Variants in CEP70 observed in about 807,000 individuals in gnomAD.
CEP70 encodes the protein centrosomal protein of 70 kDa.
CEP70 carries 70 observed loss-of-function variants against 90.9 expected under a neutral mutation model. The observed-to-expected ratio is 0.77, with a 90% CI of 0.64 to 0.94. The LOEUF is 0.94. Among genes scored for constraint, CEP70 ranks in the 40% least tolerant of loss-of-function variants. The probability of loss-of-function intolerance (pLI) is 0.00; values close to 1 mark genes in which losing one functional copy is unlikely to be tolerated. For synonymous variants in CEP70, 220 were observed against 228.3 expected (o/e 0.96, Z 0.33); for missense variants, 648 against 669.0 (o/e 0.97, Z 0.35).
intron 12 of CEP70, 132 bp downstream of exon 12, chr3:138,508,307 C>G: frequency 3.0e-6 from 2 of 662,610 alleles, no homozygotes. Flanking sequence ...CACGGAAAGA[C>G]AAGACAGAAT....
intron 2 of CEP70, among the ~76,000 whole-genome samples, chr3:138,591,422 A>T (rs2042378597): frequency 6.6e-6 from 1 of 152,088 alleles, no homozygotes; most frequent in African/African-American, 2.4e-5. Flanking sequence ...GGTAAGGGAT[A>T]CTCAACCTGC....
intron 6 of CEP70, among the ~76,000 whole-genome samples, chr3:138,563,432 A>T (rs1397423656): frequency 6.6e-6 from 1 of 152,204 alleles, no homozygotes; most frequent in Non-Finnish European, 1.5e-5. Context: ...TCTAAAATTG[A>T]CTACATAATT....
chr3:138,537,217 T>A lies in CEP70; in HGVS notation c.596A>T (p.Tyr199Phe). The change falls in exon 7 of 18, where the codon TAT (tyrosine) becomes TTT (phenylalanine). Residue 199 changes from tyrosine (Y) to phenylalanine (F), a missense_variant. Physicochemically the swap from Tyr to Phe is conservative, Grantham distance 22. Transcript: ENST00000264982. ...GGTATGAGGAACTCTTTTGCACAGA[T>A]AGGCAAACACTCTGTTTTGAGTGAC... ...RIVTQNRVFA[Y>F]LCKRVPHTVL... The A allele has an allele frequency of 6.3e-7, 1 of 1,599,340 alleles. No homozygotes were observed.
At chr3:138,540,064 C>T (rs368287089) in intron 6 of CEP70, among the ~76,000 whole-genome samples, 27 of 152,194 alleles carry the variant, frequency 1.8e-4, no homozygotes, top group East Asian at 1.5e-3. Context: ...ACTATGCATC[C>T]GACAAAGGTC....
intron 11 of CEP70, among the ~76,000 whole-genome samples, chr3:138,519,377 T>C (rs916884014): frequency 1.3e-5 from 2 of 152,030 alleles, no homozygotes; most frequent in African/African-American, 4.8e-5. Flanking sequence ...AGACACATAA[T>C]TGTCAGATTC....
chr3:138,569,121 C>T (rs556034048), intron 6 of CEP70, among the ~76,000 whole-genome samples: 1 of 152,306 alleles, frequency 6.6e-6, no homozygotes, highest in Admixed American at 6.5e-5. Context: ...CTGCCTGCCC[C>T]AAGCTGGCAC....
intron 12 of CEP70, among the ~76,000 whole-genome samples, chr3:138,505,771 C>T (rs1362391330): frequency 6.6e-6 from 1 of 152,106 alleles, no homozygotes; most frequent in Non-Finnish European, 1.5e-5. Context: ...ACCAGTGTCC[C>T]ATCTTGAAAG....
intron 6 of CEP70, among the ~76,000 whole-genome samples, chr3:138,541,431 A>AAAAAG (rs549373270): frequency 3.5e-4 from 14 of 40,140 alleles, no homozygotes; most frequent in East Asian, 1.9e-3. Context: ...AAAGAAAAAG[A>AAAAAG]AAAAAAAAAA....
At chr3:138,559,947 C>T (rs2040280019) in intron 6 of CEP70, among the ~76,000 whole-genome samples, 1 of 152,080 alleles carries the variant, frequency 6.6e-6, no homozygotes, top group Admixed American at 6.5e-5. Flanking sequence ...GTGACAAATA[C>T]CAAGTGTTGA....
At chr3:138,529,643 C>A (rs750847069) in intron 8 of CEP70, among the ~76,000 whole-genome samples, 181 bp from the exon 9 acceptor site, 5 of 152,146 alleles carry the variant, frequency 3.3e-5, no homozygotes, top group Non-Finnish European at 5.9e-5. Flanking sequence ...ATAGTACATA[C>A]AGTATCCATT....
At chr3:138,553,306 C>T (rs556160110) in intron 6 of CEP70, among the ~76,000 whole-genome samples, 2 of 152,130 alleles carry the variant, frequency 1.3e-5, no homozygotes, top group African/African-American at 4.8e-5. Context: ...GGTGAAACCC[C>T]GTGTCTACTA....
intron 6 of CEP70, among the ~76,000 whole-genome samples, chr3:138,558,543 G>C (rs2040185341): frequency 6.6e-6 from 1 of 152,040 alleles, no homozygotes. Context: ...GCCTAACAAA[G>C]AAGGGAAGGT....
chr3:138,529,236 T>C lies in CEP70; in HGVS notation c.832A>G (p.Ser278Gly). 1 of 1,609,770 alleles carries C rather than the reference T, an allele frequency of 6.2e-7. No individual in the cohort carries two copies. The highest frequency in any genetic ancestry group is 8.5e-7 in the Non-Finnish European group (1 of 1,178,202). Residue 278 changes from serine to glycine, a missense_variant, in exon 10 of 18, where the codon AGT becomes GGT. Physicochemically the swap from Ser to Gly is moderately conservative, Grantham distance 56. Coordinates refer to ENST00000264982, the MANE Select transcript of CEP70 (RefSeq NM_024491.4). The part of the protein sequence containing the change: ...ESKSKIDALS[S>G]EKLNLQKDLE... The stretch of plus-strand genomic sequence containing the variant: ...TCTTTTTGGAGGTTCAGCTTTTCAC[T>C]TGAAAGTGCATCAATCTTAGATTTT...
At chr3:138,552,178 A>G (rs962022618) in intron 6 of CEP70, among the ~76,000 whole-genome samples, 3 of 152,188 alleles carry the variant, frequency 2.0e-5, no homozygotes, top group Admixed American at 6.5e-5. Context: ...TTATGAAACA[A>G]CTACTACTAG....
chr3:138,564,399 G>A (rs1165239753), intron 6 of CEP70, among the ~76,000 whole-genome samples: 2 of 152,096 alleles, frequency 1.3e-5, no homozygotes, highest in African/African-American at 2.4e-5. Context: ...AACAAAAACA[G>A]AAAATTTCAG....
At chr3:138,554,282 T>C (rs2039839577) in intron 6 of CEP70, among the ~76,000 whole-genome samples, 1 of 150,760 alleles carries the variant, frequency 6.6e-6, no homozygotes, top group African/African-American at 2.4e-5. Context: ...CTCAAAGTAA[T>C]AAAAGCCATC....
At chr3:138,581,190 C>T (rs890324443) in intron 2 of CEP70, among the ~76,000 whole-genome samples, 1 of 149,998 alleles carries the variant, frequency 6.7e-6, no homozygotes, top group Non-Finnish European at 1.5e-5. Context: ...GAGGCTGAGG[C>T]AGAATCGCTT....
intron 6 of CEP70, among the ~76,000 whole-genome samples, chr3:138,546,758 C>G (rs962319274): frequency 1.1e-4 from 16 of 146,966 alleles, no homozygotes; most frequent in African/African-American, 4.3e-4. Flanking sequence ...CAAAACAAAT[C>G]AACAAATAAA....
At position 138,502,342 on chromosome 3, in the gene CEP70, CAGAA is replaced by C. The variant is rs916830478; in HGVS notation, c.1222-1465_1222-1462del. On this transcript the variant is annotated intron_variant, in intron 13 of 17. Transcript: ENST00000264982. ...TACTAGACAGCACAGCTCTAGAGAA[CAGAA>C]AGAAGTACAAGAAGTTCCTCCTTTT... 3.4e-4 allele frequency among the ~76,000 whole-genome samples: 51 copies of C among 151,928 alleles called. 1 individual carries two copies. The highest frequency in any genetic ancestry group is 1.2e-3 in the African/African-American group (50 of 41,242).
Sources: allele counts gnomAD v4.1 joint callset (sites outside exome capture counted in the v4.1 genomes callset), GRCh38; gene constraint gnomAD v4.1.1; transcripts MANE v1.5; gene names NCBI Gene and HGNC (gene_info 2026-07-23, HGNC 2026-07-21).